Variants in WDR41 observed in about 807,000 individuals in gnomAD.
WDR41 encodes the protein WD repeat-containing protein 41.
WDR41 carries 63 observed loss-of-function variants against 69.3 expected under a neutral mutation model. That is an observed-to-expected ratio of 0.91 (90% confidence interval 0.74 to 1.12). The LOEUF is 1.12. WDR41 is among the 50% of genes most tolerant of loss of function. WDR41 has a pLI of 0.00. For missense variants in WDR41, 543 were observed against 534.5 expected (o/e 1.02, Z -0.16); for synonymous variants, 185 against 192.1 (o/e 0.96, Z 0.31).
At chr5:77,538,471 G>T (rs1365649757) in intron 1 of WDR41, among the ~76,000 whole-genome samples, 1 of 152,052 alleles carries the variant, frequency 6.6e-6, no homozygotes, top group East Asian at 1.9e-4. Context: ...CCCCACTATA[G>T]TATTCCCCAG....
intron 2 of WDR41, among the ~76,000 whole-genome samples, chr5:77,477,850 CACAAAAAACCCT>C (rs1801020471): frequency 7.2e-6 from 1 of 139,828 alleles, no homozygotes; most frequent in Non-Finnish European, 1.5e-5. Context: ...GACATAGAGA[CACAAAAAACCCT>C]TCAAAAAATT....
intron 1 of WDR41, among the ~76,000 whole-genome samples, chr5:77,525,801 C>T (rs1581785826): frequency 1.3e-5 from 2 of 152,084 alleles, no homozygotes; most frequent in South Asian, 2.1e-4. Context: ...AGGACAATGC[C>T]CCATCTTAGA....
chr5:77,558,094 T>TTAAAAAAAAAAAAAAAAAAA (rs1554036365), intron 1 of WDR41, among the ~76,000 whole-genome samples: 15 of 104,298 alleles, frequency 1.4e-4, no homozygotes, highest in African/African-American at 5.0e-4. Flanking sequence ...ATGTTCTTTT[T>TTAAAAAAAAAAAAAAAAAAA]AAAAAAAAAA....
In WDR41 at chr5:77,431,084, A is replaced by C. The variant is rs1292739587; in HGVS notation, c.*2051T>G. ...ACAAAGGATTTAGAATATTCTATAA[A>C]CTTAGTTCATAAAGGAGCATCAGGA... On this transcript the variant is annotated 3_prime_UTR_variant, in exon 13 of 13. Coordinates refer to ENST00000296679, the MANE Select transcript of WDR41 (RefSeq NM_018268.4). 3 of 152,240 alleles carry C rather than the reference A, an allele frequency of 2.0e-5. No individual in the cohort carries two copies. The highest frequency in any genetic ancestry group is 2.1e-4 in the South Asian group (1 of 4,834). The allele number at this position is 152,240 out of a possible 1,614,324, so 9.4% of individuals were successfully genotyped here. A position where few individuals can be genotyped will look rare whatever the true frequency, so the allele number is the denominator to read the frequency against.
intron 8 of WDR41, among the ~76,000 whole-genome samples, chr5:77,441,739 AAC>A (rs112452862): frequency 3.3e-5 from 5 of 150,240 alleles, no homozygotes; most frequent in Non-Finnish European, 4.4e-5. Flanking sequence ...CTCAGTCTAA[AAC>A]ACACACACAC....
intron 6 of WDR41, chr5:77,452,451 C>T (rs1037800549): frequency 3.9e-5 from 6 of 152,180 alleles, no homozygotes; most frequent in Non-Finnish European, 4.4e-5. Flanking sequence ...ACACGGATGC[C>T]CTGTGTTTTA....
intron 1 of WDR41, among the ~76,000 whole-genome samples, chr5:77,588,420 T>C (rs1744078198): frequency 6.6e-6 from 1 of 152,186 alleles, no homozygotes; most frequent in African/African-American, 2.4e-5. Flanking sequence ...ACTTTCCACA[T>C]TTAGATCTGA....
chr5:77,605,138 C>T (rs1254474885), intron 1 of WDR41, among the ~76,000 whole-genome samples: 1 of 152,130 alleles, frequency 6.6e-6, no homozygotes, highest in Non-Finnish European at 1.5e-5. Flanking sequence ...TAATGAGCTG[C>T]CAAAAATGCT....
chr5:77,457,284 T>C (rs1249243883), intron 5 of WDR41, among the ~76,000 whole-genome samples: 1 of 152,222 alleles, frequency 6.6e-6, no homozygotes, highest in African/African-American at 2.4e-5. Flanking sequence ...TTTTTAGATG[T>C]TGCTGAATTT....
chr5:77,476,366 A>C (rs1295903109), intron 2 of WDR41, among the ~76,000 whole-genome samples: 1 of 151,394 alleles, frequency 6.6e-6, no homozygotes, highest in African/African-American at 2.4e-5. Flanking sequence ...CAAGACACAT[A>C]ATTGTCAGAT....
At chr5:77,552,284 A>G (rs1010514621) in intron 1 of WDR41, among the ~76,000 whole-genome samples, 9 of 152,066 alleles carry the variant, frequency 5.9e-5, no homozygotes, top group African/African-American at 2.2e-4. Flanking sequence ...AACACAGGGC[A>G]ATTTACAATA....
chr5:77,472,633 G>C (rs1381782289), intron 2 of WDR41, among the ~76,000 whole-genome samples: 2 of 151,054 alleles, frequency 1.3e-5, no homozygotes, highest in Non-Finnish European at 3.0e-5. Flanking sequence ...ACCAATAACA[G>C]ACAGAGAGCC....
chr5:77,592,416 G>A (rs1416191560), intron 1 of WDR41, among the ~76,000 whole-genome samples: 1 of 151,642 alleles, frequency 6.6e-6, no homozygotes, highest in Non-Finnish European at 1.5e-5. Context: ...TTCTTGCCTT[G>A]TTTTAGATAG....
At chr5:77,604,347 G>T (rs534353317) in intron 1 of WDR41, among the ~76,000 whole-genome samples, 1 of 152,208 alleles carries the variant, frequency 6.6e-6, no homozygotes, top group African/African-American at 2.4e-5. Flanking sequence ...TACTGTAAAT[G>T]GAATTGCCTT....
At chr5:77,457,253 C>T (rs1307824784) in intron 5 of WDR41, among the ~76,000 whole-genome samples, 2 of 152,098 alleles carry the variant, frequency 1.3e-5, no homozygotes, top group Non-Finnish European at 2.9e-5. Flanking sequence ...ATAAATCTCA[C>T]TTAGTCATGG....
At chr5:77,460,557 TG>T (rs1402921653) in intron 4 of WDR41, among the ~76,000 whole-genome samples, 4 of 152,208 alleles carry the variant, frequency 2.6e-5, no homozygotes, top group African/African-American at 9.6e-5. Flanking sequence ...TTTTACAGGT[TG>T]GGTATCCCTT....
At position 77,517,156 on chromosome 5, in the gene WDR41, G is replaced by A. The variant is rs1254013978; in HGVS notation, c.43-27584C>T. Among the ~76,000 whole-genome samples, 3 of 152,152 alleles carry A rather than the reference G, an allele frequency of 2.0e-5. No individual in the cohort carries two copies. The East Asian group carries it at 5.8e-4, about 29-fold the overall frequency. On this transcript the variant is annotated intron_variant, in intron 1 of 5. Transcript: ENST00000509971. ...ACAGACAGCTGCAAGGCAAACTAGG[G>A]AAGGTAACCTCTATTCTGAGCAGTG...
At chr5:77,555,555 C>G (rs1743375262) in intron 1 of WDR41, among the ~76,000 whole-genome samples, 1 of 152,202 alleles carries the variant, frequency 6.6e-6, no homozygotes, top group Non-Finnish European at 1.5e-5. Flanking sequence ...AGAGATCCTC[C>G]TGCCTCAGCC....
chr5:77,438,164 ACT>A (rs1176668900), intron 10 of WDR41, 74 bp downstream of exon 10: 15 of 1,592,460 alleles, frequency 9.4e-6, no homozygotes, highest in Admixed American at 1.7e-5. Context: ...TAACTTGGCC[ACT>A]TGAGAAATTA....
Sources: allele counts gnomAD v4.1 joint callset (sites outside exome capture counted in the v4.1 genomes callset), GRCh38; gene constraint gnomAD v4.1.1; transcripts MANE v1.5; gene names NCBI Gene and HGNC (gene_info 2026-07-23, HGNC 2026-07-21).